WASHC4: variants seen among roughly 807,000 people sequenced by gnomAD.
The protein encoded by WASHC4 is WASH complex subunit 4, also known as WASH complex subunit 7.
Under a neutral mutation model 166.6 loss-of-function variants are expected in WASHC4, and 86 were observed. The observed-to-expected ratio is 0.52, with a 90% CI of 0.43 to 0.62. The LOEUF is 0.62. Ranked by LOEUF, WASHC4 falls within the 20% of genes least tolerant of loss-of-function variation. The pLI is 0.00. For synonymous variants in WASHC4, 446 were observed against 451.6 expected (o/e 0.99, Z 0.16); for missense variants, 1,262 against 1,382.4 (o/e 0.91, Z 1.38).
chr12:105,118,057 C>G (rs1167473859), intron 6 of WASHC4, among the ~76,000 whole-genome samples: 1 of 152,212 alleles, frequency 6.6e-6, no homozygotes, highest in Admixed American at 6.5e-5. Flanking sequence ...AGCTCCTTCA[C>G]TCACTCAGAT....
At chr12:105,154,571 CTTCA>C (rs946129074) in intron 26 of WASHC4, among the ~76,000 whole-genome samples, 10 of 152,186 alleles carry the variant, frequency 6.6e-5, no homozygotes, top group African/African-American at 2.2e-4. Flanking sequence ...TATTTCTTCC[CTTCA>C]TTCACTGCAC....
At chr12:105,128,980 G>C (rs1196821) in intron 13 of WASHC4, among the ~76,000 whole-genome samples, 42 of 143,858 alleles carry the variant, frequency 2.9e-4, no homozygotes, top group East Asian at 4.1e-4. Context: ...GAGTCTCCCT[G>C]TGTCGCCCAG....
At position 105,149,757 on chromosome 12, in the gene WASHC4, A is replaced by G. The variant is rs374554683; in HGVS notation, c.2649+8A>G. On this transcript the variant is annotated splice_region_variant and intron_variant, in intron 25 of 32. Coordinates refer to ENST00000332180, the MANE Select transcript of WASHC4 (RefSeq NM_015275.3). ...GACCAAAATGATCATAAGGTAGGCT[A>G]CCTATTCTTTTTAAGGTATTTGATT... 3.8e-6 allele frequency: 6 copies of G among 1,589,534 alleles called. No homozygotes were observed. The highest frequency in any genetic ancestry group is 2.3e-5 in the East Asian group (1 of 44,382).
chr12:105,125,667 T>C (rs1358531249), intron 10 of WASHC4, among the ~76,000 whole-genome samples: 1 of 152,156 alleles, frequency 6.6e-6, no homozygotes, highest in Non-Finnish European at 1.5e-5. Flanking sequence ...GCAGAAAACA[T>C]AAATTCTACT....
At chr12:105,126,917 G>T (rs551854080) in intron 12 of WASHC4, among the ~76,000 whole-genome samples, 16 of 152,072 alleles carry the variant, frequency 1.1e-4, no homozygotes, top group African/African-American at 3.9e-4. Flanking sequence ...TAATATTCAG[G>T]TGAATAAAAT....
At chr12:105,132,675 G>A (rs949040806) in intron 13 of WASHC4, among the ~76,000 whole-genome samples, 1 of 152,048 alleles carries the variant, frequency 6.6e-6, no homozygotes, top group African/African-American at 2.4e-5. Context: ...CTTGAATCTT[G>A]GCTGAACTTA....
intron 10 of WASHC4, among the ~76,000 whole-genome samples, chr12:105,122,805 T>TATA (rs1880890527): frequency 6.6e-6 from 1 of 152,186 alleles, no homozygotes; most frequent in Admixed American, 6.5e-5. Context: ...ACTTAATCGA[T>TATA]AAATGTTGTG....
chr12:105,156,602 T>G, intron 26 of WASHC4, 124 bp from the exon 27 acceptor site: 1 of 690,760 alleles, frequency 1.4e-6, no homozygotes. Context: ...TGAAGTAAAA[T>G]ATAGCAAAAT....
At chr12:105,160,908 A>T (rs902311132) in intron 29 of WASHC4, among the ~76,000 whole-genome samples, 5 of 152,210 alleles carry the variant, frequency 3.3e-5, no homozygotes, top group Non-Finnish European at 7.4e-5. Flanking sequence ...TTCTTAGAGT[A>T]TGTAACGTGT....
Position 105,127,299 on chromosome 12 carries a change from A to G in WASHC4, c.1199+10A>G, listed in dbSNP as rs1470635149. Reference sequence around the variant, plus strand: ...CTCAATCACTTACCAAGTAGGTTTTATAAACAAGTATAATGAAAATATTTA... The same window carrying G: ...CTCAATCACTTACCAAGTAGGTTTTGTAAACAAGTATAATGAAAATATTTA... On this transcript the variant is annotated intron_variant, in intron 13 of 32. Coordinates refer to ENST00000332180, the MANE Select transcript of WASHC4 (RefSeq NM_015275.3). 1.3e-6 allele frequency: 2 copies of G among 1,534,586 alleles called. No individual in the cohort carries two copies. The highest frequency in any genetic ancestry group is 2.2e-5 in the South Asian group (2 of 89,342).
At chr12:105,151,484 ACT>A (rs1007310691) in intron 25 of WASHC4, among the ~76,000 whole-genome samples, 8 of 150,096 alleles carry the variant, frequency 5.3e-5, no homozygotes, top group African/African-American at 1.7e-4. Flanking sequence ...GATTGTATTA[ACT>A]CTTTTTTTTT....
Position 105,127,152 on chromosome 12 carries a change from T to G in WASHC4, c.1062T>G (p.Ala354=). 1 of 1,613,202 alleles carries G rather than the reference T, an allele frequency of 6.2e-7. No homozygotes were observed. The highest frequency in any genetic ancestry group is 8.5e-7 in the Non-Finnish European group (1 of 1,179,318). Residue 354 remains alanine, a synonymous_variant, in exon 13 of 33, where the codon GCT becomes GCG. Transcript: ENST00000332180. ...CKKVPAITLT[A]NIIWFPDNFL... is the part of the protein sequence containing the mutation. ...AGGTACCAGCCATCACTCTAACTGC[T>G]AATATTATTTGGTTTCCTGATAATT...
intron 25 of WASHC4, among the ~76,000 whole-genome samples, chr12:105,151,930 T>A (rs1285836008): frequency 6.6e-6 from 1 of 152,230 alleles, no homozygotes; most frequent in Non-Finnish European, 1.5e-5. Context: ...TTATTGGTGA[T>A]GGTTACTAGA....
Position 105,127,273 on chromosome 12 carries a change from G to C in WASHC4, c.1183G>C (p.Ala395Pro). Residue 395 changes from alanine (A) to proline (P), a missense_variant, in exon 13 of 33, where the codon GCT becomes CCT. By Grantham distance (27) the Ala-to-Pro change is conservative. Transcript: ENST00000332180. ...IHRDTFLQQK[A>P]QSLTKDVQSY... ...CAGGGATACTTTTCTACAACAGAAA[G>C]CTCAATCACTTACCAAGTAGGTTTT... is the stretch of plus-strand genomic sequence containing the variant. The C allele has an allele frequency of 6.2e-7, 1 of 1,609,518 alleles. No homozygotes were observed. Among genetic ancestry groups the C allele is most frequent in the Non-Finnish European group, 8.5e-7 (1 of 1,176,004 alleles).
chr12:105,109,000 G>A (rs1592832675), intron 1 of WASHC4, among the ~76,000 whole-genome samples: 1 of 152,162 alleles, frequency 6.6e-6, no homozygotes, highest in East Asian at 1.9e-4. Flanking sequence ...GCTGGGCTTG[G>A]TGGCGAGCGC....
chr12:105,147,529 GC>G (rs1003369499), intron 24 of WASHC4: 25 of 837,982 alleles, frequency 3.0e-5, no homozygotes, highest in Non-Finnish European at 3.5e-5. Context: ...TGTTATTTAT[GC>G]CCTTTTTGGG....
intron 13 of WASHC4, among the ~76,000 whole-genome samples, chr12:105,133,032 C>T (rs79670151): frequency 6.6e-6 from 1 of 151,968 alleles, no homozygotes; most frequent in Non-Finnish European, 1.5e-5. Flanking sequence ...TCATCAGATC[C>T]TCTTGAAACT....
At chr12:105,111,942 G>A (rs1002298993) in intron 2 of WASHC4, among the ~76,000 whole-genome samples, 7 of 152,118 alleles carry the variant, frequency 4.6e-5, no homozygotes, top group African/African-American at 1.7e-4. Context: ...GTATAATTCA[G>A]TTGTTTTTAG....
At chr12:105,113,852 A>T (rs943999478) in intron 2 of WASHC4, among the ~76,000 whole-genome samples, 8 of 152,016 alleles carry the variant, frequency 5.3e-5, no homozygotes, top group African/African-American at 1.9e-4. Flanking sequence ...ACAATATCTT[A>T]TTAAATTTGT....
Sources: allele counts gnomAD v4.1 joint callset (sites outside exome capture counted in the v4.1 genomes callset), GRCh38; gene constraint gnomAD v4.1.1; transcripts MANE v1.5; gene names NCBI Gene and HGNC (gene_info 2026-07-23, HGNC 2026-07-21).